Variants in IPO11 observed in about 807,000 individuals in gnomAD.
The protein encoded by IPO11 is importin 11.
IPO11 carries 66 observed loss-of-function variants against 143.2 expected under a neutral mutation model. The ratio of observed to expected loss-of-function variants is 0.46; its 90% CI spans 0.38 to 0.57. The LOEUF is 0.57. Ranked by LOEUF, IPO11 falls within the 20% of genes least tolerant of loss-of-function variation. The pLI, the probability that IPO11 is intolerant of heterozygous loss-of-function variation, is 0.00. For synonymous variants in IPO11, 385 were observed against 377.8 expected, an observed-to-expected ratio of 1.02 and a Z score of -0.22; for missense variants, 1,026 against 1,141.0, an observed-to-expected ratio of 0.90 and a Z score of 1.45.
chr5:62,542,692 A>C (rs1342006222), intron 24 of IPO11, among the ~76,000 whole-genome samples: 1 of 152,062 alleles, frequency 6.6e-6, no homozygotes, highest in African/African-American at 2.4e-5. Context: ...TGTAGAGCAA[A>C]GGATACGCTT....
intron 20 of IPO11, among the ~76,000 whole-genome samples, chr5:62,517,466 G>A (rs968235586): frequency 6.6e-5 from 10 of 152,114 alleles, no homozygotes; most frequent in African/African-American, 1.9e-4. Context: ...GCAATGGTGC[G>A]ATCTTGGCTC....
intron 22 of IPO11, among the ~76,000 whole-genome samples, chr5:62,534,538 A>G (rs1742670712): frequency 6.6e-6 from 1 of 152,260 alleles, no homozygotes; most frequent in Non-Finnish European, 1.5e-5. Context: ...GATATGAATC[A>G]TATATGCACA....
chr5:62,415,424 A>G (rs1431238485), intron 1 of IPO11, among the ~76,000 whole-genome samples: 1 of 150,746 alleles, frequency 6.6e-6, no homozygotes, highest in African/African-American at 2.4e-5. Context: ...TGGCCTCCCA[A>G]AGTGCTGGGA....
At chr5:62,599,102 C>T (rs539633837) in intron 28 of IPO11, among the ~76,000 whole-genome samples, 1 of 152,276 alleles carries the variant, frequency 6.6e-6, no homozygotes, top group East Asian at 1.9e-4. Flanking sequence ...GATTCTCAGG[C>T]TCCATCAAAC....
In IPO11 at chr5:62,426,459, C is replaced by T. The variant is rs192594807; in HGVS notation, c.-6-10815C>T. On this transcript the variant is annotated intron_variant, in intron 1 of 29. Coordinates refer to ENST00000325324, the MANE Select transcript of IPO11 (RefSeq NM_016338.5). ...AAGACTAGGTTTGTAAACTTCCTCT[C>T]CTGAAATTTCATGAGAGTGCAGTTA... Among the ~76,000 whole-genome samples the T allele has an allele frequency of 5.3e-3, 805 of 152,242 alleles. 2 individuals are homozygous for T. The highest frequency in any genetic ancestry group is 8.3e-3 in the Non-Finnish European group (564 of 68,018).
chr5:62,456,771 C>T (rs1405638394), intron 5 of IPO11, among the ~76,000 whole-genome samples: 2 of 152,118 alleles, frequency 1.3e-5, no homozygotes, highest in Admixed American at 6.5e-5. Flanking sequence ...TGTGGAAGAA[C>T]GCAACCCCCC....
chr5:62,563,764 C>T (rs537841499), intron 27 of IPO11, among the ~76,000 whole-genome samples: 2 of 152,100 alleles, frequency 1.3e-5, no homozygotes, highest in African/African-American at 4.8e-5. Flanking sequence ...CCACTTGTAG[C>T]AGTATTCTGG....
At chr5:62,516,442 C>T (rs1012474048) in intron 20 of IPO11, among the ~76,000 whole-genome samples, 7 of 152,050 alleles carry the variant, frequency 4.6e-5, no homozygotes, top group African/African-American at 7.2e-5. Flanking sequence ...TACAGGCACA[C>T]GCCACTGTGC....
intron 21 of IPO11, among the ~76,000 whole-genome samples, chr5:62,527,010 T>C (rs555641866): frequency 2.6e-5 from 4 of 152,228 alleles, no homozygotes; most frequent in Non-Finnish European, 5.9e-5. Flanking sequence ...TTGTTAGATG[T>C]CTAGAATTTA....
intron 29 of IPO11, among the ~76,000 whole-genome samples, chr5:62,622,402 TA>T (rs1268526869): frequency 3.9e-5 from 6 of 152,342 alleles, no homozygotes; most frequent in African/African-American, 1.4e-4. Context: ...TTTCCTCCTT[TA>T]TTCTTATTGT....
chr5:62,430,335 C>T (rs1024443963), intron 1 of IPO11, among the ~76,000 whole-genome samples: 1 of 152,154 alleles, frequency 6.6e-6, no homozygotes, highest in Admixed American at 6.6e-5. Context: ...GCCTCATTAT[C>T]TTCTTTTAAA....
chr5:62,468,002 C>T (rs1221526239), intron 6 of IPO11, among the ~76,000 whole-genome samples: 2 of 152,038 alleles, frequency 1.3e-5, no homozygotes, highest in Non-Finnish European at 2.9e-5. Context: ...GGTTGAAGTG[C>T]AGTGGCATAA....
At chr5:62,500,494 T>C (rs1386509164) in intron 16 of IPO11, among the ~76,000 whole-genome samples, 1 of 152,170 alleles carries the variant, frequency 6.6e-6, no homozygotes, top group East Asian at 1.9e-4. Context: ...TAATTGTATG[T>C]ACTATACTTT....
intron 1 of IPO11, among the ~76,000 whole-genome samples, chr5:62,435,210 G>GTATATATATATATATGTATATATA (rs769669064): frequency 2.2e-5 from 2 of 92,328 alleles, no homozygotes; most frequent in Admixed American, 1.3e-4. Context: ...GTATATATAT[G>GTATATATATATATATGTATATATA]TGTATATATA....
chr5:62,532,264 T>TA (rs1742574067), intron 22 of IPO11, among the ~76,000 whole-genome samples: 1 of 152,242 alleles, frequency 6.6e-6, no homozygotes, highest in African/African-American at 2.4e-5. Flanking sequence ...GCATATGACT[T>TA]ACTTTACTAT....
Position 62,577,435 on chromosome 5 carries a change from C to T in IPO11, c.2583-14142C>T, listed in dbSNP as rs368052868. 2.6e-5 allele frequency among the ~76,000 whole-genome samples: 4 copies of T among 152,010 alleles called. No individual in the cohort carries two copies. In the East Asian group the frequency reaches 7.7e-4, roughly 29 times the overall value. ...TTATATTACTTTGTGGGTTTTTTCT[C>T]TTTAATTTTATTTTTATTTCAAAGG... On this transcript the variant is annotated intron_variant, in intron 27 of 29. Transcript: ENST00000325324.
intron 16 of IPO11, 27 bp downstream of exon 16, chr5:62,494,151 G>A: frequency 6.3e-7 from 1 of 1,581,514 alleles, no homozygotes; most frequent in Admixed American, 1.8e-5. Context: ...CCTTAAAAGA[G>A]TTAGTTTTTA....
chr5:62,506,331 T>C lies in IPO11; in HGVS notation c.1756T>C (p.Cys586Arg). The C allele has an allele frequency of 1.2e-6, 2 of 1,608,320 alleles. No homozygotes were observed. The highest frequency in any genetic ancestry group is 8.5e-7 in the Non-Finnish European group (1 of 1,175,834). ...TKMHVLHVLS[C>R]VIERVNMQIR... ...GATGCATGTTTTGCATGTCCTTTCT[T>C]GTGTGATCGAAAGAGTCAACATGCA... The change falls in exon 19 of 30, where the codon TGT becomes CGT. Residue 586 changes from cysteine (C) to arginine (R), a missense_variant. Coordinates refer to ENST00000325324, the MANE Select transcript of IPO11 (RefSeq NM_016338.5).
chr5:62,580,134 ACTTT>A (rs1292059533), intron 27 of IPO11: 37 of 1,550,982 alleles, frequency 2.4e-5, no homozygotes, highest in Non-Finnish European at 3.1e-5. Flanking sequence ...GTCTTAGAAG[ACTTT>A]CTTTGTCTCA....
Sources: gnomAD v4.1 joint callset for allele counts (sites outside exome capture counted in the v4.1 genomes callset) on GRCh38, gnomAD v4.1.1 for gene constraint, MANE v1.5 for transcripts, NCBI Gene and HGNC (gene_info 2026-07-23, HGNC 2026-07-21) for gene names.